The following CACNA2D2 variants were observed in gnomAD, a reference collection of about 807,000 sequenced individuals.
CACNA2D2 encodes calcium voltage-gated channel auxiliary subunit alpha2delta 2, also known as voltage-dependent calcium channel subunit alpha-2/delta-2.
In CACNA2D2, 48 loss-of-function variants were observed where a neutral mutation model predicts 166.4. That is an observed-to-expected ratio of 0.29 (90% CI 0.23 to 0.37). CACNA2D2 has a LOEUF of 0.37. CACNA2D2 is among the 10% of genes least tolerant of loss of function. CACNA2D2 has a pLI of 1.00. For synonymous variants in CACNA2D2, 561 were observed against 573.7 expected, an observed-to-expected ratio of 0.98 and a Z score of 0.32; for missense variants, 1,122 against 1,433.0, an observed-to-expected ratio of 0.78 and a Z score of 3.50.
intron 3 of CACNA2D2, among the ~76,000 whole-genome samples, chr3:50,394,795 C>T (rs1471172521): frequency 6.6e-6 from 1 of 152,266 alleles, no homozygotes; most frequent in African/African-American, 2.4e-5. Context: ...CATCCCACAT[C>T]TGCCACTGGG....
chr3:50,393,889 C>T (rs1023278944), intron 4 of CACNA2D2, among the ~76,000 whole-genome samples: 4 of 152,210 alleles, frequency 2.6e-5, no homozygotes, highest in Non-Finnish European at 5.9e-5. Context: ...ACGGGTGACT[C>T]CACAGCTCCT....
At position 50,380,193 on chromosome 3, in the gene CACNA2D2, T is replaced by C. The variant is rs907797598; in HGVS notation, c.843-175A>G. Among the ~76,000 whole-genome samples, 1 of 152,226 alleles carries C rather than the reference T, an allele frequency of 6.6e-6. No homozygotes were observed. Among genetic ancestry groups the C allele is most frequent in the Non-Finnish European group, 1.5e-5 (1 of 68,044 alleles). ...ACGAAACAGACACAGTCCTTGCCCA[T>C]GACATGAATGGTCTGGTTCCTCAGC... On this transcript the variant is annotated intron_variant, in intron 8 of 37. Coordinates refer to ENST00000424201, the MANE Select transcript of CACNA2D2 (RefSeq NM_006030.4). The surrounding 1 kb of genome is among the most constrained non-coding windows in gnomAD (Gnocchi z 4.9).
chr3:50,410,484 G>GGC (rs1553739130), intron 3 of CACNA2D2, among the ~76,000 whole-genome samples: 14 of 152,056 alleles, frequency 9.2e-5, no homozygotes, highest in African/African-American at 3.4e-4. Flanking sequence ...CTGGGATGGG[G>GGC]GGGGGGGTGT....
At chr3:50,435,227 C>A (rs1708259410) in intron 2 of CACNA2D2, among the ~76,000 whole-genome samples, 1 of 151,716 alleles carries the variant, frequency 6.6e-6, no homozygotes, top group African/African-American at 2.4e-5. Flanking sequence ...GTCTCTAACC[C>A]CCCAGGGGCT....
chr3:50,476,065 C>T, intron 2 of CACNA2D2, 53 bp downstream of exon 2: 2 of 1,433,274 alleles, frequency 1.4e-6, no homozygotes, highest in African/African-American at 1.4e-5. Flanking sequence ...GAAGCTTTTC[C>T]CCTTCCCTTG....
chr3:50,377,892 C>T (rs943679552), intron 15 of CACNA2D2, 89 bp from the exon 16 acceptor site: 37 of 1,484,858 alleles, frequency 2.5e-5, no homozygotes, highest in African/African-American at 8.3e-5. Context: ...TGCAGGCCAC[C>T]TCTTTCTCCT....
chr3:50,450,916 C>T (rs990792436), intron 2 of CACNA2D2, among the ~76,000 whole-genome samples: 2 of 152,184 alleles, frequency 1.3e-5, no homozygotes, highest in Admixed American at 1.3e-4. Flanking sequence ...GGACATGGGA[C>T]CTGCCTCTGA....
intron 1 of CACNA2D2, among the ~76,000 whole-genome samples, chr3:50,477,547 A>G (rs1000411467): frequency 6.6e-6 from 1 of 152,200 alleles, no homozygotes; most frequent in South Asian, 2.1e-4. Flanking sequence ...CCAGCCAGAG[A>G]GAACCACACA....
chr3:50,484,091 C>T (rs1000306189), intron 1 of CACNA2D2, among the ~76,000 whole-genome samples: 8 of 152,116 alleles, frequency 5.3e-5, no homozygotes, highest in Non-Finnish European at 8.8e-5. Flanking sequence ...CCCTTGGGAT[C>T]GTCTCCACCT....
chr3:50,448,569 G>A (rs889558763), intron 2 of CACNA2D2, among the ~76,000 whole-genome samples: 1 of 152,150 alleles, frequency 6.6e-6, no homozygotes, highest in African/African-American at 2.4e-5. Context: ...GTATCCTGGT[G>A]TGTATATGCC....
Position 50,365,068 on chromosome 3 carries a change from A to G in CACNA2D2, c.3208+7T>C. On this transcript the variant is annotated splice_region_variant and intron_variant, in intron 36 of 37. Transcript: ENST00000424201. The surrounding 1 kb of genome is among the most constrained non-coding windows in gnomAD (Gnocchi z 4.5). ...AGCGGGCGGCGGGGAGGGCGGGGGC[A>G]GGATACAGTGCGTCTCCTTCTGCAG... The G allele has an allele frequency of 6.2e-7, 1 of 1,608,546 alleles. No homozygotes were observed. Among genetic ancestry groups the G allele is most frequent in the Non-Finnish European group, 8.5e-7 (1 of 1,177,990 alleles).
chr3:50,497,933 G>GA (rs1410775430), intron 1 of CACNA2D2, among the ~76,000 whole-genome samples: 11 of 151,178 alleles, frequency 7.3e-5, no homozygotes, highest in South Asian at 6.3e-4. Flanking sequence ...AAGAAGAAAA[G>GA]AAAAAAAAAC....
Position 50,376,352 on chromosome 3 carries a change from G to A in CACNA2D2, c.1627-164C>T, listed in dbSNP as rs1704992393. On this transcript the variant is annotated intron_variant, in intron 17 of 37. Transcript: ENST00000424201. The surrounding 1 kb of genome is among the most constrained non-coding windows in gnomAD (Gnocchi z 4.3). ...ACGTGGCCCTAAGCCTGTCTCTCCA[G>A]CCAGGCCCGCAGGCGGGTTGCCCCT... Among the ~76,000 whole-genome samples, 1 of 152,044 alleles carries A rather than the reference G, an allele frequency of 6.6e-6. No individual in the cohort carries two copies. The highest frequency in any genetic ancestry group is 2.1e-4 in the South Asian group (1 of 4,830).
chr3:50,421,512 C>A (rs1440405640), intron 3 of CACNA2D2, among the ~76,000 whole-genome samples: 1 of 152,056 alleles, frequency 6.6e-6, no homozygotes, highest in Non-Finnish European at 1.5e-5. Context: ...TACTAACCTG[C>A]TGGGCCTGGG....
At chr3:50,475,906 G>A (rs1710288555) in intron 2 of CACNA2D2, among the ~76,000 whole-genome samples, 1 of 152,168 alleles carries the variant, frequency 6.6e-6, no homozygotes, top group African/African-American at 2.4e-5. Context: ...CAAGCCGGGT[G>A]GTGGCTCCGA....
At chr3:50,466,272 A>ATGTGTGTGTG (rs10678919) in intron 2 of CACNA2D2, among the ~76,000 whole-genome samples, 1 of 149,406 alleles carries the variant, frequency 6.7e-6, no homozygotes, top group Non-Finnish European at 1.5e-5. Flanking sequence ...GTGTGTGCGC[A>ATGTGTGTGTG]TGTGTGTGTG....
intron 1 of CACNA2D2, among the ~76,000 whole-genome samples, chr3:50,494,302 C>T (rs1157575576): frequency 6.6e-6 from 1 of 152,166 alleles, no homozygotes; most frequent in Non-Finnish European, 1.5e-5. Context: ...CTGGTGGCAG[C>T]ACCAGACCTG....
chr3:50,450,409 C>CTCTCCCAGGAGCTCT, intron 2 of CACNA2D2, among the ~76,000 whole-genome samples: 1 of 143,202 alleles, frequency 7.0e-6, no homozygotes, highest in South Asian at 2.4e-4. Flanking sequence ...GCTGCTAATT[C>CTCTCCCAGGAGCTCT]CTCGCCAGAA....
rs1006557043 is a variant in CACNA2D2, at chr3:50,363,936, CCCA to C, written c.*727_*729del. The C allele has an allele frequency of 2.6e-5, 4 of 152,482 alleles. No homozygotes were observed. Among genetic ancestry groups the C allele is most frequent in the Admixed American group, 6.5e-5 (1 of 15,284 alleles). The allele number at this position is 152,482 out of a possible 1,614,324, so 9.4% of individuals were successfully genotyped here. On this transcript the variant is annotated 3_prime_UTR_variant, in exon 38 of 38. Coordinates refer to ENST00000424201, the MANE Select transcript of CACNA2D2 (RefSeq NM_006030.4). ...GATGGAGTGTGCAGGTGCCAACCCT[CCCA>C]CCAACCCCTCGCCCTGTGTAAGGCT...
Sources: gnomAD v4.1 joint callset for allele counts (sites outside exome capture counted in the v4.1 genomes callset) on GRCh38, gnomAD v4.1.1 for gene constraint, Gnocchi (gnomAD v3.1) non-coding constraint, MANE v1.5 for transcripts, NCBI Gene and HGNC (gene_info 2026-07-23, HGNC 2026-07-21) for gene names.